Variants in CACNA2D2 observed in about 807,000 individuals in gnomAD.
The protein encoded by CACNA2D2 is voltage-dependent calcium channel subunit alpha-2/delta-2.
Under a neutral mutation model 166.4 loss-of-function variants are expected in CACNA2D2, and 48 were observed. That is an observed-to-expected ratio of 0.29 (90% confidence interval 0.23 to 0.37). The LOEUF is 0.37. Among genes scored for constraint, CACNA2D2 ranks in the 10% least tolerant of loss-of-function variants. The probability of loss-of-function intolerance (pLI) is 1.00; values close to 1 mark genes in which losing one functional copy is unlikely to be tolerated. For missense variants in CACNA2D2, 1,122 were observed against 1,433.0 expected (o/e 0.78, Z 3.50); for synonymous variants, 561 against 573.7 (o/e 0.98, Z 0.32).
At position 50,379,639 on chromosome 3, in the gene CACNA2D2, C is replaced by T; in HGVS notation, c.994-49G>A. 6.2e-7 allele frequency: 1 copy of T among 1,612,222 alleles called. No homozygotes were observed. ...GTGGCCTCAGGCTGGCCGGGGTAGG[C>T]AGCTATTGCATGGGGCTGGTGATGG... On this transcript the variant is annotated intron_variant, in intron 10 of 37. Coordinates refer to ENST00000424201, the MANE Select transcript of CACNA2D2 (RefSeq NM_006030.4). The surrounding 1 kb of genome is among the most constrained non-coding windows in gnomAD (Gnocchi z 6.5).
rs200363511 is a variant in CACNA2D2 at position 50,434,382 on chromosome 3, A to G, written c.336T>C (p.Pro112=). The G allele has an allele frequency of 6.2e-7, 1 of 1,614,070 alleles. No homozygotes were observed. The highest frequency in any genetic ancestry group is 1.7e-5 in the Admixed American group (1 of 60,018). ...RNLFEVQENE[P]QKLVEKVAGD... is the part of the protein sequence containing the mutation. ...CTGCCACCTTCTCCACCAACTTCTG[A>G]GGCTCATTCTCCTGTACCTCGAACA... The change falls in exon 3 of 38, where the codon CCT becomes CCC. Residue 112 remains proline (P), a synonymous_variant. Coordinates refer to ENST00000424201, the MANE Select transcript of CACNA2D2 (RefSeq NM_006030.4).
intron 4 of CACNA2D2, among the ~76,000 whole-genome samples, chr3:50,390,780 G>A (rs966851614): frequency 6.6e-6 from 1 of 152,200 alleles, no homozygotes; most frequent in Non-Finnish European, 1.5e-5. Context: ...GAGGTGTGAG[G>A]AGGGTGGGTC....
chr3:50,463,848 ACC>A lies in CACNA2D2; in HGVS notation c.288+12268_288+12269del, dbSNP rs1709698826. On this transcript the variant is annotated intron_variant, in intron 2 of 37. Transcript: ENST00000424201. ...AGCCCCTGAGTCCCAGGGAGGGAGGACCCTCATGTGAGCCTGCACTGCAGACC... is the reference window on the plus strand; with the variant it reads ...AGCCCCTGAGTCCCAGGGAGGGAGGACTCATGTGAGCCTGCACTGCAGACC... Among the ~76,000 whole-genome samples, 8 of 152,312 alleles carry A rather than the reference ACC, an allele frequency of 5.3e-5. No homozygotes were observed. The South Asian group carries it at 1.7e-3, about 32-fold the overall frequency.
intron 22 of CACNA2D2, chr3:50,373,117 A>G (rs1205719432): frequency 6.5e-7 from 1 of 1,533,250 alleles, no homozygotes; most frequent in African/African-American, 1.4e-5. Flanking sequence ...GAAAGCGAGG[A>G]AAACAAAAAC....
chr3:50,460,592 C>T (rs904863717), intron 2 of CACNA2D2, among the ~76,000 whole-genome samples: 4 of 152,106 alleles, frequency 2.6e-5, no homozygotes, highest in African/African-American at 9.7e-5. Flanking sequence ...TGGTGGCTCA[C>T]GCCTCTAATC....
At chr3:50,468,441 G>GTGTGTGTGTGTGTGTGTGTGT (rs61609978) in intron 2 of CACNA2D2, among the ~76,000 whole-genome samples, 4 of 140,406 alleles carry the variant, frequency 2.8e-5, no homozygotes, top group African/African-American at 7.9e-5. Context: ...GTGTGTGTGT[G>GTGTGTGTGTGTGTGTGTGTGT]GCTTTAGGAA....
At chr3:50,485,485 C>T (rs1335769943) in intron 1 of CACNA2D2, among the ~76,000 whole-genome samples, 1 of 152,232 alleles carries the variant, frequency 6.6e-6, no homozygotes, top group African/African-American at 2.4e-5. Context: ...TAGAAGGTAG[C>T]GCTGTAAAAC....
At chr3:50,377,393 A>C (rs1425324217) in intron 17 of CACNA2D2, 74 bp downstream of exon 17, 1 of 1,247,664 alleles carries the variant, frequency 8.0e-7, no homozygotes, top group Non-Finnish European at 1.2e-6. Flanking sequence ...TGTAATACCC[A>C]TCAGTCTTCT....
chr3:50,392,523 G>A (rs1028044629), intron 4 of CACNA2D2, among the ~76,000 whole-genome samples: 2 of 152,214 alleles, frequency 1.3e-5, no homozygotes, highest in Non-Finnish European at 2.9e-5. Context: ...AGGGCTGCCT[G>A]TGGTCACACC....
chr3:50,489,365 TC>T lies in CACNA2D2; in HGVS notation c.207-13167del, dbSNP rs558254780. ...CTGGAAATCACCTGTGAAACATACT[TC>T]CCCCCGCGCTGGCTCAGGAACCGTG... On this transcript the variant is annotated intron_variant, in intron 1 of 37. Coordinates refer to ENST00000424201, the MANE Select transcript of CACNA2D2 (RefSeq NM_006030.4). Among the ~76,000 whole-genome samples the T allele has an allele frequency of 4.6e-5, 7 of 152,084 alleles. No homozygotes were observed. The East Asian group carries it at 7.7e-4, about 17-fold the overall frequency.
chr3:50,375,892 A>C lies in CACNA2D2; in HGVS notation c.1774-12T>G. ...ATGCTCCGACGGATCTGGAAGGGCC[A>C]GAGATGTGAGGGGCAGGGCCCCTAC... On this transcript the variant is annotated splice_polypyrimidine_tract_variant and intron_variant, in intron 19 of 37. Transcript: ENST00000424201. The surrounding 1 kb of genome is among the most constrained non-coding windows in gnomAD (Gnocchi z 4.0). The C allele has an allele frequency of 1.2e-6, 2 of 1,612,876 alleles. No individual in the cohort carries two copies. The highest frequency in any genetic ancestry group is 8.5e-7 in the Non-Finnish European group (1 of 1,179,940).
chr3:50,372,781 G>A (rs1359904036), intron 22 of CACNA2D2, among the ~76,000 whole-genome samples: 3 of 152,154 alleles, frequency 2.0e-5, no homozygotes, highest in Non-Finnish European at 4.4e-5. Flanking sequence ...GGTGGGGGAG[G>A]CAGGGGCCTC....
intron 1 of CACNA2D2, among the ~76,000 whole-genome samples, chr3:50,485,860 C>G (rs138122150): frequency 2.0e-4 from 31 of 152,352 alleles, no homozygotes; most frequent in African/African-American, 7.2e-4. Context: ...CACTAACAAA[C>G]AAGCCCGGGC....
intron 1 of CACNA2D2, among the ~76,000 whole-genome samples, chr3:50,489,678 C>T (rs1344409670): frequency 6.6e-6 from 1 of 152,158 alleles, no homozygotes; most frequent in South Asian, 2.1e-4. Context: ...AGGCAAGCCT[C>T]TCCCCTACTC....
At chr3:50,450,589 C>A (rs770633205) in intron 2 of CACNA2D2, among the ~76,000 whole-genome samples, 2 of 152,186 alleles carry the variant, frequency 1.3e-5, no homozygotes, top group Admixed American at 1.3e-4. Context: ...TGACATTCAG[C>A]GCCAAATTAG....
intron 3 of CACNA2D2, among the ~76,000 whole-genome samples, chr3:50,426,042 C>T (rs1324172056): frequency 6.6e-6 from 1 of 152,176 alleles, no homozygotes; most frequent in Non-Finnish European, 1.5e-5. Flanking sequence ...ACCTTCCCTT[C>T]CTCCCCTGGC....
chr3:50,477,069 A>T (rs1239574403), intron 1 of CACNA2D2, among the ~76,000 whole-genome samples: 1 of 151,626 alleles, frequency 6.6e-6, no homozygotes, highest in Non-Finnish European at 1.5e-5. Context: ...AGCTGGGACT[A>T]CAGGTGCCCG....
intron 1 of CACNA2D2, among the ~76,000 whole-genome samples, chr3:50,502,652 G>A (rs1699027121): frequency 6.6e-6 from 1 of 152,200 alleles, no homozygotes; most frequent in Admixed American, 6.5e-5. Flanking sequence ...GGTGGAGGGG[G>A]GCCAAGAACA....
chr3:50,391,104 C>T (rs1705866422), intron 4 of CACNA2D2, among the ~76,000 whole-genome samples: 1 of 152,232 alleles, frequency 6.6e-6, no homozygotes, highest in Non-Finnish European at 1.5e-5. Flanking sequence ...GGCCACCTGT[C>T]CTGTCCAGCT....
Sources: allele counts gnomAD v4.1 joint callset (sites outside exome capture counted in the v4.1 genomes callset), GRCh38; gene constraint gnomAD v4.1.1; non-coding constraint Gnocchi (gnomAD v3.1); transcripts MANE v1.5; gene names NCBI Gene and HGNC (gene_info 2026-07-23, HGNC 2026-07-21).